Variants in VCL observed in about 807,000 individuals in gnomAD.
VCL encodes vinculin.
Under a neutral mutation model 125.7 loss-of-function variants are expected in VCL, and 47 were observed. That is an observed-to-expected ratio of 0.37 (90% CI 0.30 to 0.48). VCL has a LOEUF of 0.48. Ranked by LOEUF, VCL falls within the 20% of genes least tolerant of loss-of-function variation. VCL has a pLI of 0.99. For missense variants in VCL, 1,069 were observed against 1,455.5 expected (o/e 0.73, Z 4.32); for synonymous variants, 458 against 514.6 (o/e 0.89, Z 1.49).
chr10:74,085,077 T>G (rs988821658), intron 8 of VCL, among the ~76,000 whole-genome samples: 11 of 152,156 alleles, frequency 7.2e-5, no homozygotes, highest in African/African-American at 2.7e-4. Context: ...GCTTGGCTAG[T>G]TTTTCAATAT....
intron 2 of VCL, among the ~76,000 whole-genome samples, chr10:74,062,764 T>C: frequency 6.6e-6 from 1 of 152,078 alleles, no homozygotes; most frequent in East Asian, 1.9e-4. Context: ...TTTAAATTTT[T>C]TGTAGAGACA....
At chr10:74,060,587 C>T (rs535454969) in intron 2 of VCL, among the ~76,000 whole-genome samples, 15 of 140,182 alleles carry the variant, frequency 1.1e-4, no homozygotes, top group Non-Finnish European at 2.0e-4. Flanking sequence ...GCCCAGGGAA[C>T]GGAGGTTGCT....
intron 1 of VCL, among the ~76,000 whole-genome samples, chr10:74,032,240 TAAAAAAAA>T (rs770412004): frequency 1.3e-5 from 1 of 75,998 alleles, no homozygotes; most frequent in Admixed American, 1.5e-4. Context: ...TGTTTCAGAA[TAAAAAAAA>T]AAAAAAAAAA....
At chr10:74,082,364 G>T in intron 6 of VCL, 90 bp from the exon 7 acceptor site, 1 of 1,408,338 alleles carries the variant, frequency 7.1e-7, no homozygotes. Flanking sequence ...AGCTATGTAT[G>T]TTAATGCTGT....
intron 1 of VCL, among the ~76,000 whole-genome samples, chr10:74,001,474 TTA>T (rs1840223848): frequency 6.6e-6 from 1 of 152,110 alleles, no homozygotes. Flanking sequence ...TGATATTTCT[TTA>T]TATGGTCCTC....
chr10:74,061,873 A>G (rs188451191), intron 2 of VCL, among the ~76,000 whole-genome samples: 16 of 141,324 alleles, frequency 1.1e-4, no homozygotes, highest in African/African-American at 3.7e-4. Context: ...CTTTTTCTCT[A>G]TCTTCCATTT....
chr10:74,052,139 G>C (rs1051269765), intron 2 of VCL, among the ~76,000 whole-genome samples: 4 of 152,140 alleles, frequency 2.6e-5, no homozygotes, highest in Non-Finnish European at 1.5e-5. Flanking sequence ...GCAATGGTAA[G>C]GTGACCTATC....
intron 13 of VCL, 130 bp from the exon 14 acceptor site, chr10:74,100,818 A>T: frequency 9.1e-7 from 1 of 1,103,560 alleles, no homozygotes; most frequent in African/African-American, 1.6e-5. Context: ...TTGTTTTATT[A>T]ACTAGGGTTT....
chr10:74,061,966 C>T (rs1018741190), intron 2 of VCL, among the ~76,000 whole-genome samples: 7 of 149,794 alleles, frequency 4.7e-5, no homozygotes, highest in Admixed American at 2.7e-4. Context: ...AGTGCAATCA[C>T]GGCCCACTGC....
Position 74,089,256 on chromosome 10 carries a change from T to C in VCL, c.1083T>C (p.Asp361=), listed in dbSNP as rs1839838011. 2 of 1,614,128 alleles carry C rather than the reference T, an allele frequency of 1.2e-6. No individual in the cohort carries two copies. Among genetic ancestry groups the C allele is most frequent in the Non-Finnish European group, 1.7e-6 (2 of 1,180,026 alleles). Residue 361 remains aspartate, a synonymous_variant, in exon 9 of 22, where the codon GAT becomes GAC. Coordinates refer to ENST00000211998, the MANE Select transcript of VCL (RefSeq NM_014000.3). ...QKAQQVSQGL[D]VLTAKVENAA... is the part of the protein sequence containing the mutation. Reference sequence around the variant, plus strand: ...CTCAGCAGGTATCTCAGGGTCTGGATGTGCTCACAGCAAAAGTGGAAAATG... The same window carrying C: ...CTCAGCAGGTATCTCAGGGTCTGGACGTGCTCACAGCAAAAGTGGAAAATG...
chr10:74,070,664 C>CT lies in VCL; in HGVS notation c.240-5dup, dbSNP rs779228327. The CT allele has an allele frequency of 2.6e-5, 42 of 1,613,998 alleles. No individual in the cohort carries two copies. In the South Asian group the frequency reaches 4.6e-4, roughly 18 times the overall value. ...CCGGTGTGTTAACCTGTGTTCTTCC[C>CT]TATAGGGTTGAGAATGCTTGCACCA... On this transcript the variant is annotated splice_region_variant and splice_polypyrimidine_tract_variant and intron_variant, in intron 2 of 21. Transcript: ENST00000211998.
chr10:74,105,394 G>T, intron 16 of VCL, 41 bp downstream of exon 16: 1 of 1,611,046 alleles, frequency 6.2e-7, no homozygotes. Context: ...CCACTGAGAG[G>T]TTAACTCAGG....
downstream of VCL, chr10:74,120,373 T>TGAAG (rs1233903334): frequency 6.6e-6 from 1 of 152,216 alleles, no homozygotes; most frequent in African/African-American, 2.4e-5. Context: ...ATTACACACT[T>TGAAG]GAAGGAATGG....
chr10:74,114,819 A>G lies in VCL; in HGVS notation c.3178A>G (p.Ser1060Gly). The G allele has an allele frequency of 6.2e-7, 1 of 1,608,488 alleles. No homozygotes were observed. The highest frequency in any genetic ancestry group is 8.5e-7 in the Non-Finnish European group (1 of 1,178,316). The change falls in exon 21 of 22, where the codon AGC becomes GGC. Residue 1060 changes from serine (S) to glycine (G), a missense_variant. Around this residue, in one of 6 missense-constraint regions of VCL, gnomAD observed 91 missense variants for 203.9 expected, o/e 0.45. Transcript: ENST00000211998. ...GGTATGTGAGCGAATCCCAACCATA[A>G]GCACCCAGCTCAAAATCCTGTCCAC... is the stretch of plus-strand genomic sequence containing the variant. ...LQVCERIPTISTQLKILSTVK... is the reference protein window; with the variant it reads ...LQVCERIPTIGTQLKILSTVK...
Position 74,051,022 on chromosome 10 carries a change from C to A in VCL, c.239+7869C>A, listed in dbSNP as rs190459096. ...TGGCACCATCTCAGCTCATTGCAACCTCCACCTCCCAGGTTCAAGAGATTC... is the reference window on the plus strand; with the variant it reads ...TGGCACCATCTCAGCTCATTGCAACATCCACCTCCCAGGTTCAAGAGATTC... On this transcript the variant is annotated intron_variant, in intron 2 of 21. Transcript: ENST00000211998. Among the ~76,000 whole-genome samples the A allele has an allele frequency of 4.7e-5, 7 of 149,290 alleles. No individual in the cohort carries two copies. The East Asian group carries it at 8.1e-4, about 17-fold the overall frequency.
At chr10:74,111,570 T>C (rs1334028445) in intron 18 of VCL, among the ~76,000 whole-genome samples, 1 of 152,238 alleles carries the variant, frequency 6.6e-6, no homozygotes, top group Non-Finnish European at 1.5e-5. Flanking sequence ...AGAAATATTC[T>C]CATGTGAGAA....
At chr10:74,063,138 C>T (rs1841506526) in intron 2 of VCL, among the ~76,000 whole-genome samples, 1 of 152,198 alleles carries the variant, frequency 6.6e-6, no homozygotes, top group South Asian at 2.1e-4. Context: ...AAGCAGTCCT[C>T]CTCTCATCCT....
chr10:74,066,061 A>ATATATATATTTT (rs1441211975), intron 2 of VCL, among the ~76,000 whole-genome samples: 6 of 137,470 alleles, frequency 4.4e-5, no homozygotes, highest in African/African-American at 1.3e-4. Context: ...ATATATATAT[A>ATATATATATTTT]TTTTTTTTTT....
chr10:74,104,675 A>G (rs1454865935), intron 15 of VCL, among the ~76,000 whole-genome samples: 1 of 152,122 alleles, frequency 6.6e-6, no homozygotes, highest in African/African-American at 2.4e-5. Context: ...CAAGCAACAG[A>G]TGGCTGGGGA....
Sources: allele counts gnomAD v4.1 joint callset (sites outside exome capture counted in the v4.1 genomes callset), GRCh38; gene constraint gnomAD v4.1.1; regional missense constraint gnomAD v4.1.1; transcripts MANE v1.5; gene names NCBI Gene and HGNC (gene_info 2026-07-23, HGNC 2026-07-21).